The following RAPGEF4 variants were observed in gnomAD, a reference collection of about 807,000 sequenced individuals.
The protein encoded by RAPGEF4 is RAP guanine-nucleotide-exchange factor (GEF) 4.
A neutral mutation model predicts 147.9 loss-of-function variants in RAPGEF4; 66 were observed. The ratio of observed to expected loss-of-function variants is 0.45; its 90% CI spans 0.37 to 0.55. The LOEUF is 0.55. RAPGEF4 is among the 20% of genes least tolerant of loss of function. RAPGEF4 has a pLI of 0.00. For missense variants in RAPGEF4, 1,071 were observed against 1,257.3 expected, an observed-to-expected ratio of 0.85 and a Z score of 2.24; for synonymous variants, 419 against 442.7, an observed-to-expected ratio of 0.95 and a Z score of 0.67.
rs895360163 is a variant in RAPGEF4, at chr2:173,026,343, G to A, written c.2254-229G>A. 2.0e-5 allele frequency among the ~76,000 whole-genome samples: 3 copies of A among 152,082 alleles called. No individual in the cohort carries two copies. The highest frequency in any genetic ancestry group is 4.4e-5 in the Non-Finnish European group (3 of 68,016). On this transcript the variant is annotated intron_variant, in intron 23 of 30. Coordinates refer to ENST00000397081, the MANE Select transcript of RAPGEF4 (RefSeq NM_007023.4). Reference sequence around the variant, plus strand: ...CTCTTCACTGAATCTTATTTGCCGCGGTTCACATTTTTCAGTCAGTGGAAT... The same window carrying A: ...CTCTTCACTGAATCTTATTTGCCGCAGTTCACATTTTTCAGTCAGTGGAAT...
At chr2:173,025,135 C>T (rs1020628430) in intron 23 of RAPGEF4, among the ~76,000 whole-genome samples, 1 of 152,234 alleles carries the variant, frequency 6.6e-6, no homozygotes, top group Non-Finnish European at 1.5e-5. Flanking sequence ...TGTGTTGTTG[C>T]TTCTGTCCCT....
intron 9 of RAPGEF4, among the ~76,000 whole-genome samples, chr2:172,966,350 C>T (rs141977210): frequency 0.012 from 1,883 of 152,228 alleles, 19 homozygotes; most frequent in Non-Finnish European, 0.017. Flanking sequence ...GTTTTGCCAG[C>T]GTTTCTCATA....
At chr2:172,917,655 G>A (rs1327447138) in intron 4 of RAPGEF4, 147 bp from the exon 5 acceptor site, 11 of 709,428 alleles carry the variant, frequency 1.6e-5, no homozygotes, top group South Asian at 1.3e-4. Flanking sequence ...TCAGACCAGA[G>A]ACCCCGGAGA....
chr2:172,845,348 A>G (rs1692060435), intron 4 of RAPGEF4, among the ~76,000 whole-genome samples: 1 of 152,192 alleles, frequency 6.6e-6, no homozygotes, highest in Non-Finnish European at 1.5e-5. Context: ...GAGATGCCTG[A>G]CAGTTCAGGG....
At chr2:172,749,992 G>T (rs1414203712) in intron 1 of RAPGEF4, among the ~76,000 whole-genome samples, 1 of 151,998 alleles carries the variant, frequency 6.6e-6, no homozygotes, top group East Asian at 1.9e-4. Flanking sequence ...AAAGTTCCTC[G>T]CCTCCTTCTG....
intron 1 of RAPGEF4, among the ~76,000 whole-genome samples, chr2:172,749,072 C>T (rs1333804719): frequency 1.3e-5 from 2 of 152,206 alleles, no homozygotes; most frequent in Non-Finnish European, 2.9e-5. Context: ...CAGCCTCCTT[C>T]CCTGCTGCTT....
intron 8 of RAPGEF4, among the ~76,000 whole-genome samples, chr2:172,964,209 G>A (rs1256457337): frequency 1.3e-5 from 2 of 151,844 alleles, no homozygotes; most frequent in Non-Finnish European, 2.9e-5. Flanking sequence ...TCTAATGTGC[G>A]GGTATAGACT....
chr2:172,851,342 T>C (rs75482378), intron 4 of RAPGEF4, among the ~76,000 whole-genome samples: 3,873 of 152,268 alleles, frequency 0.025, 92 homozygotes, highest in East Asian at 0.1. Context: ...TGCTAAGCAT[T>C]GTTTTATGGC....
intron 17 of RAPGEF4, among the ~76,000 whole-genome samples, chr2:173,003,330 G>A (rs771943826): frequency 2.4e-4 from 37 of 152,306 alleles, no homozygotes; most frequent in Non-Finnish European, 4.6e-4. Context: ...GCAAACAGGC[G>A]TGGAAGAGCT....
chr2:172,964,401 ATT>A (rs11374637), intron 8 of RAPGEF4, among the ~76,000 whole-genome samples: 6 of 115,152 alleles, frequency 5.2e-5, no homozygotes, highest in Admixed American at 2.9e-4. Context: ...TGCTCCTCCT[ATT>A]TTTTTTTTTT....
chr2:172,923,543 C>G (rs962230595), intron 6 of RAPGEF4, among the ~76,000 whole-genome samples: 1 of 152,206 alleles, frequency 6.6e-6, no homozygotes, highest in Non-Finnish European at 1.5e-5. Flanking sequence ...GCTGGGATTA[C>G]AGGCATGAGC....
intron 3 of RAPGEF4, among the ~76,000 whole-genome samples, chr2:172,800,620 T>C (rs1686878580): frequency 6.6e-6 from 1 of 152,050 alleles, no homozygotes; most frequent in South Asian, 2.1e-4. Flanking sequence ...CACATGATTG[T>C]GGGGGCTGGC....
intron 4 of RAPGEF4, among the ~76,000 whole-genome samples, chr2:172,905,357 C>A (rs1699519659): frequency 6.6e-6 from 1 of 152,190 alleles, no homozygotes; most frequent in African/African-American, 2.4e-5. Context: ...GGCATGCAGT[C>A]AATATTTGTT....
chr2:173,048,580 T>G lies in RAPGEF4; in HGVS notation c.2854-20T>G, dbSNP rs1160353405. 4.3e-6 allele frequency: 7 copies of G among 1,614,048 alleles called. No homozygotes were observed. Among genetic ancestry groups the G allele is most frequent in the Non-Finnish European group, 5.9e-6 (7 of 1,179,984 alleles). On this transcript the variant is annotated intron_variant, in intron 29 of 30. Coordinates refer to ENST00000397081, the MANE Select transcript of RAPGEF4 (RefSeq NM_007023.4). ...CGCTTACTTGAATTTCTATCTTTCT[T>G]TTTTCTATATTCCTTTTAGCGCATG...
intron 16 of RAPGEF4, among the ~76,000 whole-genome samples, chr2:172,998,821 G>A (rs1443265406): frequency 6.6e-6 from 1 of 152,102 alleles, no homozygotes; most frequent in Non-Finnish European, 1.5e-5. Flanking sequence ...ATTGCATAAT[G>A]CAAGAATCAG....
intron 4 of RAPGEF4, among the ~76,000 whole-genome samples, chr2:172,844,396 A>G (rs1691949695): frequency 6.6e-6 from 1 of 152,150 alleles, no homozygotes; most frequent in Admixed American, 6.6e-5. Flanking sequence ...TCGGGAAATA[A>G]AAATGTACTT....
chr2:172,790,315 A>G (rs932363473), intron 1 of RAPGEF4, among the ~76,000 whole-genome samples: 5 of 152,178 alleles, frequency 3.3e-5, no homozygotes, highest in African/African-American at 1.2e-4. Flanking sequence ...TTTAAATACC[A>G]AGTTGTAGAG....
chr2:173,026,631 G>A lies in RAPGEF4; in HGVS notation c.2313G>A (p.Met771Ile), dbSNP rs778775320. 5.6e-6 allele frequency: 9 copies of A among 1,613,778 alleles called. No individual in the cohort carries two copies. The South Asian group carries it at 6.6e-5, about 12-fold the overall frequency. Residue 771 changes from methionine (M) to isoleucine (I), a missense_variant, in exon 24 of 31, where the codon ATG (methionine) becomes ATA (isoleucine). Coordinates refer to ENST00000397081, the MANE Select transcript of RAPGEF4 (RefSeq NM_007023.4). Reference protein sequence around the residue: ...TVGTVGTFELMSSKDLAYQMT... With the variant: ...TVGTVGTFELISSKDLAYQMT... ...GAACAGTGGGAACTTTTGAACTGAT[G>A]AGCTCCAAAGATTTAGCATACCAGA... is the stretch of plus-strand genomic sequence containing the variant.
chr2:173,028,968 A>G (rs1008821848), intron 25 of RAPGEF4, among the ~76,000 whole-genome samples: 1 of 152,204 alleles, frequency 6.6e-6, no homozygotes, highest in Non-Finnish European at 1.5e-5. Flanking sequence ...CAAGGCAGTG[A>G]CTAGAAAGGC....
Sources: gnomAD v4.1 joint callset for allele counts (sites outside exome capture counted in the v4.1 genomes callset) on GRCh38, gnomAD v4.1.1 for gene constraint, MANE v1.5 for transcripts, NCBI Gene and HGNC (gene_info 2026-07-23, HGNC 2026-07-21) for gene names.